Variants in RFTN1 observed in about 807,000 individuals in gnomAD.
The protein encoded by RFTN1 is raftlin, lipid raft linker 1, also known as raftlin.
Under a neutral mutation model 46.5 loss-of-function variants are expected in RFTN1, and 26 were observed. The ratio of observed to expected loss-of-function variants is 0.56; its 90% CI spans 0.41 to 0.78. The LOEUF (loss-of-function observed/expected upper bound fraction) is 0.78, where lower values mean the gene tolerates loss of function less well. Among genes scored for constraint, RFTN1 ranks in the 30% least tolerant of loss-of-function variants. The pLI is 0.00. For missense variants in RFTN1, 693 were observed against 718.7 expected, an observed-to-expected ratio of 0.96 and a Z score of 0.41; for synonymous variants, 261 against 284.2, an observed-to-expected ratio of 0.92 and a Z score of 0.82.
chr3:16,483,635 A>T lies in RFTN1; in HGVS notation c.145+10090T>A, dbSNP rs767273584. 4.5e-4 allele frequency among the ~76,000 whole-genome samples: 68 copies of T among 152,120 alleles called. 1 individual carries two copies. Among genetic ancestry groups the T allele is most frequent in the Non-Finnish European group, 8.5e-4 (58 of 68,028 alleles). On this transcript the variant is annotated intron_variant, in intron 2 of 9. Transcript: ENST00000334133. This position sits in a 1 kb window ranked among gnomAD's most constrained non-coding sequence, Gnocchi z 4.8. ...TGTCCTCCCAAATATATTCCAAGTC[A>T]CCTAAAGAAAGTAAGTTATGATTTG...
chr3:16,319,671 G>A (rs1268499906), intron 9 of RFTN1, among the ~76,000 whole-genome samples: 1 of 152,168 alleles, frequency 6.6e-6, no homozygotes, highest in Non-Finnish European at 1.5e-5. Flanking sequence ...CCAGTTTCCT[G>A]TAGAAGATCA....
At chr3:16,435,396 C>T (rs1466804750) in intron 2 of RFTN1, among the ~76,000 whole-genome samples, 1 of 151,868 alleles carries the variant, frequency 6.6e-6, no homozygotes, top group African/African-American at 2.4e-5. Context: ...TGATGAAACC[C>T]CATCTCTGCT....
At chr3:16,471,295 C>G (rs555761418) in intron 2 of RFTN1, among the ~76,000 whole-genome samples, 27 of 152,308 alleles carry the variant, frequency 1.8e-4, no homozygotes, top group African/African-American at 6.0e-4. Flanking sequence ...TGGGAGGAGA[C>G]AGTATGCATA....
rs547972989 is a variant in RFTN1, at chr3:16,351,304, G to C, written c.1146+6628C>G. On this transcript the variant is annotated intron_variant, in intron 7 of 9. Coordinates refer to ENST00000334133, the MANE Select transcript of RFTN1 (RefSeq NM_015150.2). The surrounding 1 kb of genome is among the most constrained non-coding windows in gnomAD (Gnocchi z 5.4). ...TGTTTGCCATTGAGACCAGTCAGGA[G>C]CCTCCATACATATGAAGCCTTCAGG... Among the ~76,000 whole-genome samples, 5 of 152,300 alleles carry C rather than the reference G, an allele frequency of 3.3e-5. No homozygotes were observed. The highest frequency in any genetic ancestry group is 2.6e-4 in the Admixed American group (4 of 15,304).
chr3:16,340,867 G>T (rs1281091020), intron 7 of RFTN1, among the ~76,000 whole-genome samples: 3 of 151,980 alleles, frequency 2.0e-5, no homozygotes, highest in African/African-American at 7.3e-5. Context: ...AGAATGAGAA[G>T]ACAAGTCAAA....
In RFTN1 at chr3:16,468,611, C is replaced by T. The variant is rs902092579; in HGVS notation, c.145+25114G>A. 1.1e-4 allele frequency among the ~76,000 whole-genome samples: 16 copies of T among 147,046 alleles called. No individual in the cohort carries two copies. The highest frequency in any genetic ancestry group is 4.1e-4 in the African/African-American group (16 of 39,244). On this transcript the variant is annotated intron_variant, in intron 2 of 9. Transcript: ENST00000334133. This position sits in a 1 kb window ranked among gnomAD's most constrained non-coding sequence, Gnocchi z 4.4. ...GGGGAGAGGCTGACGCATTTCCTCA[C>T]GTACAACCCAGCGTTTGAGTAAAAA...
chr3:16,392,750 A>G (rs73041475), intron 4 of RFTN1, among the ~76,000 whole-genome samples: 5,255 of 152,170 alleles, frequency 0.035, 136 homozygotes, highest in Middle Eastern at 0.075. Context: ...CATATTTGTA[A>G]ATGAGTCTGC....
Position 16,326,766 on chromosome 3 carries a change from T to C in RFTN1, c.1250+7A>G, listed in dbSNP as rs368117034. ...AATAGAATCCTAATGATTACTGTTA[T>C]TGTTACCTGGTAGTCTTGACGACGG... On this transcript the variant is annotated splice_region_variant and intron_variant, in intron 8 of 9. Coordinates refer to ENST00000334133, the MANE Select transcript of RFTN1 (RefSeq NM_015150.2). 24 of 1,607,184 alleles carry C rather than the reference T, an allele frequency of 1.5e-5. No individual in the cohort carries two copies. The East Asian group carries it at 2.0e-4, about 13-fold the overall frequency.
At chr3:16,349,881 C>G (rs1305779605) in intron 7 of RFTN1, 1 of 152,096 alleles carries the variant, frequency 6.6e-6, no homozygotes, top group African/African-American at 2.4e-5. Context: ...GCTGGATATT[C>G]CAGCAGGAGT....
Position 16,329,217 on chromosome 3 carries a change from G to A in RFTN1, c.1147-2341C>T, listed in dbSNP as rs191819042. On this transcript the variant is annotated intron_variant, in intron 7 of 9. Transcript: ENST00000334133. The surrounding 1 kb of genome is among the most constrained non-coding windows in gnomAD (Gnocchi z 4.5). Reference sequence around the variant, plus strand: ...CAAGAAGGCCCTCACAAGATGCCAGGCCCTCGACCTTGGACTTCCCAGCCT... The same window carrying A: ...CAAGAAGGCCCTCACAAGATGCCAGACCCTCGACCTTGGACTTCCCAGCCT... 1.3e-5 allele frequency among the ~76,000 whole-genome samples: 2 copies of A among 152,322 alleles called. No homozygotes were observed. Among genetic ancestry groups the A allele is most frequent in the Non-Finnish European group, 2.9e-5 (2 of 68,022 alleles).
intron 4 of RFTN1, among the ~76,000 whole-genome samples, chr3:16,395,190 TA>T (rs2074438488): frequency 6.6e-6 from 1 of 152,262 alleles, no homozygotes; most frequent in Non-Finnish European, 1.5e-5. Context: ...CCAAACTTTT[TA>T]AATGTTTTTC....
chr3:16,438,845 G>A (rs1299376185), intron 2 of RFTN1, among the ~76,000 whole-genome samples: 1 of 152,066 alleles, frequency 6.6e-6, no homozygotes, highest in Non-Finnish European at 1.5e-5. Flanking sequence ...ACCCCGGGAT[G>A]GTGATGACAA....
chr3:16,398,691 G>A (rs185517187), intron 4 of RFTN1, among the ~76,000 whole-genome samples: 1 of 152,188 alleles, frequency 6.6e-6, no homozygotes, highest in Admixed American at 6.5e-5. Flanking sequence ...CAGGCCTCAG[G>A]CAAAGTCATG....
In RFTN1 at chr3:16,422,832, T is replaced by A. The variant is rs186054520; in HGVS notation, c.332+11019A>T. ...CAATGGCAAAGTTAGGTTAACTTAA[T>A]AAGTGCTCTTGGCAAAGGTGGCTAC... On this transcript the variant is annotated intron_variant, in intron 3 of 9. Transcript: ENST00000334133. This position sits in a 1 kb window ranked among gnomAD's most constrained non-coding sequence, Gnocchi z 4.6. Among the ~76,000 whole-genome samples, 1 of 152,282 alleles carries A rather than the reference T, an allele frequency of 6.6e-6. No individual in the cohort carries two copies. The highest frequency in any genetic ancestry group is 1.9e-4 in the East Asian group (1 of 5,180).
At position 16,316,425 on chromosome 3, in the gene RFTN1, G is replaced by A. The variant is rs1407217983; in HGVS notation, c.*403C>T. On this transcript the variant is annotated 3_prime_UTR_variant, in exon 10 of 10. Transcript: ENST00000334133. The surrounding 1 kb of genome is among the most constrained non-coding windows in gnomAD (Gnocchi z 4.5). The stretch of plus-strand genomic sequence containing the variant: ...GGGGATGGACACTGCCCCACACGAT[G>A]TGGGATGAACAGCAGCCTTGGTTTG... The A allele has an allele frequency of 7.8e-6, 2 of 257,116 alleles. No individual in the cohort carries two copies. The highest frequency in any genetic ancestry group is 1.5e-5 in the Non-Finnish European group (2 of 132,586). The allele number at this position is 257,116 out of a possible 1,614,324, so 15.9% of individuals were successfully genotyped here.
Position 16,442,023 on chromosome 3 carries a change from G to A in RFTN1, c.146-7986C>T, listed in dbSNP as rs2075634904. On this transcript the variant is annotated intron_variant, in intron 2 of 9. Coordinates refer to ENST00000334133, the MANE Select transcript of RFTN1 (RefSeq NM_015150.2). This position sits in a 1 kb window ranked among gnomAD's most constrained non-coding sequence, Gnocchi z 4.1. ...GACAAAGCCCATGTCTTCTGTATGT[G>A]CCATTTCTAAATCTGTGGAATAAGT... Among the ~76,000 whole-genome samples, 1 of 152,078 alleles carries A rather than the reference G, an allele frequency of 6.6e-6. No homozygotes were observed.
intron 2 of RFTN1, chr3:16,454,825 T>C: frequency 6.1e-6 from 6 of 980,176 alleles, no homozygotes; most frequent in Non-Finnish European, 6.1e-6. Flanking sequence ...GGACTTTGTC[T>C]TGTTCATTTT....
intron 6 of RFTN1, among the ~76,000 whole-genome samples, chr3:16,360,184 T>C (rs914131614): frequency 6.6e-6 from 1 of 152,096 alleles, no homozygotes; most frequent in Admixed American, 6.5e-5. Flanking sequence ...CTTTTTTTTT[T>C]TGTTTGAGGT....
chr3:16,375,902 G>A (rs2073750241), intron 5 of RFTN1, among the ~76,000 whole-genome samples: 1 of 152,198 alleles, frequency 6.6e-6, no homozygotes, highest in Non-Finnish European at 1.5e-5. Flanking sequence ...CAATTTTTCT[G>A]TGTTCAGCCA....
Sources: allele counts gnomAD v4.1 joint callset (sites outside exome capture counted in the v4.1 genomes callset), GRCh38; gene constraint gnomAD v4.1.1; non-coding constraint Gnocchi (gnomAD v3.1); transcripts MANE v1.5; gene names NCBI Gene and HGNC (gene_info 2026-07-23, HGNC 2026-07-21).